The following HSF1 variants were observed in gnomAD, a reference collection of about 807,000 sequenced individuals.
HSF1 encodes the protein heat shock transcription factor 1.
HSF1 carries 32 observed loss-of-function variants against 51.7 expected under a neutral mutation model. The observed-to-expected ratio is 0.62, with a 90% CI of 0.47 to 0.83. The LOEUF is 0.83. Ranked by LOEUF, HSF1 falls within the 40% of genes least tolerant of loss-of-function variation. The pLI is 0.00. For missense variants in HSF1, 727 were observed against 717.0 expected (o/e 1.01, Z -0.16); for synonymous variants, 396 against 309.7 (o/e 1.28, Z -2.92).
chr8:144,295,906 G>A (rs1240050719), intron 1 of HSF1, among the ~76,000 whole-genome samples: 1 of 152,120 alleles, frequency 6.6e-6, no homozygotes, highest in Non-Finnish European at 1.5e-5. Flanking sequence ...GGATGGCGCT[G>A]GGAGTGGGGG....
intron 1 of HSF1, among the ~76,000 whole-genome samples, chr8:144,308,273 C>T (rs180851904): frequency 4.9e-4 from 74 of 152,354 alleles, no homozygotes; most frequent in African/African-American, 1.6e-3. Context: ...ACCGCGGCCA[C>T]GGCCAACAGG....
rs367821011 is a variant in HSF1, at chr8:144,295,750, CAG to C, written c.117+3877_117+3878del. ...TTTCTTTTTAAGGTTTTAGTAGAGACAGGGTCTCGCCGTATTGCCCAAGCTAG... is the reference window on the plus strand; with the variant it reads ...TTTCTTTTTAAGGTTTTAGTAGAGACGGTCTCGCCGTATTGCCCAAGCTAG... On this transcript the variant is annotated intron_variant, in intron 1 of 12. Transcript: ENST00000528838. Among the ~76,000 whole-genome samples, 69 of 150,376 alleles carry C rather than the reference CAG, an allele frequency of 4.6e-4. No individual in the cohort carries two copies. In the East Asian group the frequency reaches 0.012, roughly 27 times the overall value.
rs1335790953 is a variant in HSF1 at position 144,297,270 on chromosome 8, G to T, written c.117+5396G>T. Among the ~76,000 whole-genome samples the T allele has an allele frequency of 6.6e-6, 1 of 152,168 alleles. No individual in the cohort carries two copies. Among genetic ancestry groups the T allele is most frequent in the African/African-American group, 2.4e-5 (1 of 41,432 alleles). ...GAGGGGAGGCTGTCTAAGGAAAGGA[G>T]GTGGTCCCAAATGTCTCAAGGCACC... On this transcript the variant is annotated intron_variant, in intron 1 of 12. Transcript: ENST00000528838. This position sits in a 1 kb window ranked among gnomAD's most constrained non-coding sequence, Gnocchi z 4.6.
rs781962048 is a variant in HSF1 at position 144,297,584 on chromosome 8, C to A, written c.117+5710C>A. Reference sequence around the variant, plus strand: ...GCCACTTTGTCTGCACCTGCTCGCGCTTCCTGCCTGCCTCACTGCTTCCAT... The same window carrying A: ...GCCACTTTGTCTGCACCTGCTCGCGATTCCTGCCTGCCTCACTGCTTCCAT... On this transcript the variant is annotated intron_variant, in intron 1 of 12. Transcript: ENST00000528838. This position sits in a 1 kb window ranked among gnomAD's most constrained non-coding sequence, Gnocchi z 4.6. Among the ~76,000 whole-genome samples, 3 of 152,228 alleles carry A rather than the reference C, an allele frequency of 2.0e-5. No homozygotes were observed. Among genetic ancestry groups the A allele is most frequent in the Admixed American group, 6.5e-5 (1 of 15,280 alleles).
Position 144,312,133 on chromosome 8 carries a change from C to T in HSF1, c.1031C>T (p.Ser344Phe), listed in dbSNP as rs1428203815. 4 of 1,611,914 alleles carry T rather than the reference C, an allele frequency of 2.5e-6. No homozygotes were observed. In the African/African-American group the frequency reaches 5.3e-5, roughly 22 times the overall value. Residue 344 changes from serine to phenylalanine, a missense_variant, in exon 9 of 13, where the codon TCC (serine) becomes TTC (phenylalanine). Physicochemically the swap from Ser to Phe is radical, Grantham distance 155. This residue lies in a region of HSF1 where 470 missense variants were observed against 398.8 expected (regional missense o/e 1.18). Coordinates refer to ENST00000528838, the MANE Select transcript of HSF1 (RefSeq NM_005526.4). ...CGGGAGAGTGAACCTGCCCCCGCCTCCGTCACAGCCCTCACGGACGCCAGG... is the reference window on the plus strand; with the variant it reads ...CGGGAGAGTGAACCTGCCCCCGCCTTCGTCACAGCCCTCACGGACGCCAGG... ...ILRESEPAPA[S>F]VTALTDARGH...
intron 1 of HSF1, among the ~76,000 whole-genome samples, chr8:144,299,397 A>C (rs535917275): frequency 6.6e-6 from 1 of 151,286 alleles, no homozygotes; most frequent in South Asian, 2.1e-4. Flanking sequence ...AGATCGCATC[A>C]CTGCACTTCA....
At chr8:144,312,549 C>T (rs868933356) in intron 9 of HSF1, 4 of 1,244,034 alleles carry the variant, frequency 3.2e-6, no homozygotes, top group Middle Eastern at 1.9e-4. Context: ...AGACACATGG[C>T]AGGAGATGGT....
In HSF1 at chr8:144,313,811, C is replaced by A. The variant is rs373236427; in HGVS notation, c.1249-35C>A. 3.1e-5 allele frequency: 45 copies of A among 1,433,948 alleles called. No homozygotes were observed. In the African/African-American group the frequency reaches 6.6e-4, roughly 21 times the overall value. 88.8% of individuals were successfully genotyped at this position (1,433,948 alleles called of 1,614,324 possible). On this transcript the variant is annotated intron_variant, in intron 10 of 12. Coordinates refer to ENST00000528838, the MANE Select transcript of HSF1 (RefSeq NM_005526.4). ...CCGCCCCGCCTCCCCGCCCCGCCCC[C>A]GGGTGCTGTTCTGACTTCCCTCCCT...
chr8:144,312,312 C>T, intron 9 of HSF1, 68 bp downstream of exon 9: 1 of 1,171,840 alleles, frequency 8.5e-7, no homozygotes. Context: ...TCAGCCCCGA[C>T]TGTCCCAGTG....
intron 4 of HSF1, 38 bp downstream of exon 4, chr8:144,309,934 C>A (rs375975314): frequency 6.5e-7 from 1 of 1,531,422 alleles, no homozygotes; most frequent in Admixed American, 1.9e-5. Context: ...ACAGCGGGTC[C>A]TGGCGCCCAC....
chr8:144,297,067 C>CTT lies in HSF1; in HGVS notation c.117+5193_117+5194insTT, dbSNP rs1815518148. On this transcript the variant is annotated intron_variant, in intron 1 of 12. Transcript: ENST00000528838. The surrounding 1 kb of genome is among the most constrained non-coding windows in gnomAD (Gnocchi z 4.6). ...GTTTGCTCAGTCCTTTATTGAGGGA[C>CTT]CAGGGATGGACAGCCTGGCCCTGAA... 6.6e-6 allele frequency among the ~76,000 whole-genome samples: 1 copy of CTT among 152,106 alleles called. No individual in the cohort carries two copies. Among genetic ancestry groups the CTT allele is most frequent in the African/African-American group, 2.4e-5 (1 of 41,410 alleles).
intron 9 of HSF1, chr8:144,312,580 C>A: frequency 1.4e-6 from 2 of 1,459,508 alleles, no homozygotes; most frequent in Non-Finnish European, 1.9e-6. Context: ...GGCCTCCACA[C>A]CCCCAGCCCC....
chr8:144,308,413 G>A (rs143674216), intron 1 of HSF1, among the ~76,000 whole-genome samples: 1 of 152,354 alleles, frequency 6.6e-6, no homozygotes, highest in East Asian at 1.9e-4. Flanking sequence ...GACTGAATTT[G>A]GATTTCTGAA....
rs1815515804 is a variant in HSF1 at position 144,297,027 on chromosome 8, A to G, written c.117+5153A>G. Among the ~76,000 whole-genome samples, 1 of 151,798 alleles carries G rather than the reference A, an allele frequency of 6.6e-6. No individual in the cohort carries two copies. The highest frequency in any genetic ancestry group is 2.1e-4 in the South Asian group (1 of 4,818). ...GCCTCCGGTGCCCCATGCCCACCCAACTCCACAGGCTAGTGTTTGCTCAGT... is the reference window on the plus strand; with the variant it reads ...GCCTCCGGTGCCCCATGCCCACCCAGCTCCACAGGCTAGTGTTTGCTCAGT... On this transcript the variant is annotated intron_variant, in intron 1 of 12. Transcript: ENST00000528838. This position sits in a 1 kb window ranked among gnomAD's most constrained non-coding sequence, Gnocchi z 4.6.
At chr8:144,296,761 C>T (rs545342375) in intron 1 of HSF1, among the ~76,000 whole-genome samples, 44 of 150,444 alleles carry the variant, frequency 2.9e-4, no homozygotes, top group Non-Finnish European at 4.7e-4. Flanking sequence ...GAGCTGAGAT[C>T]GCGCCATTGC....
At chr8:144,312,592 G>C in intron 9 of HSF1, 4 of 1,504,432 alleles carry the variant, frequency 2.7e-6, no homozygotes, top group Middle Eastern at 1.7e-4. Flanking sequence ...CCCAGCCCCT[G>C]CCTGCAATGG....
At chr8:144,301,604 C>G (rs993559682) in intron 1 of HSF1, among the ~76,000 whole-genome samples, 3 of 151,618 alleles carry the variant, frequency 2.0e-5, no homozygotes, top group African/African-American at 4.8e-5. Context: ...CGGTGGCTCA[C>G]GCCTGTAATC....
chr8:144,313,250 C>T, intron 9 of HSF1: 1 of 508,134 alleles, frequency 2.0e-6, no homozygotes, highest in Non-Finnish European at 3.6e-6. Flanking sequence ...CGCCCCTTGT[C>T]TCCTGGGTCC....
intron 1 of HSF1, chr8:144,292,671 G>A (rs1297315620): frequency 6.6e-6 from 1 of 152,288 alleles, no homozygotes; most frequent in Non-Finnish European, 1.5e-5. Context: ...CTGAAGAAGG[G>A]CCACACTGGC....
Sources: allele counts gnomAD v4.1 joint callset (sites outside exome capture counted in the v4.1 genomes callset), GRCh38; gene constraint gnomAD v4.1.1; regional missense constraint gnomAD v4.1.1; non-coding constraint Gnocchi (gnomAD v3.1); transcripts MANE v1.5; gene names NCBI Gene and HGNC (gene_info 2026-07-23, HGNC 2026-07-21).